VPS13C: variants seen among roughly 807,000 people sequenced by gnomAD.
The protein encoded by VPS13C is intermembrane lipid transfer protein VPS13C.
VPS13C carries 358 observed loss-of-function variants against 456.8 expected under a neutral mutation model. That is an observed-to-expected ratio of 0.78 (90% CI 0.72 to 0.86). The LOEUF is 0.86. Among genes scored for constraint, VPS13C ranks in the 40% least tolerant of loss-of-function variants. VPS13C has a pLI of 0.00. For synonymous variants in VPS13C, 1,578 were observed against 1,486.7 expected, an observed-to-expected ratio of 1.06 and a Z score of -1.41; for missense variants, 4,818 against 4,385.4, an observed-to-expected ratio of 1.10 and a Z score of -2.79.
At chr15:61,861,753 C>A (rs552538670) in intron 82 of VPS13C, among the ~76,000 whole-genome samples, 213 of 152,210 alleles carry the variant, frequency 1.4e-3, no homozygotes, top group African/African-American at 4.9e-3. Flanking sequence ...CATTAAAGGT[C>A]TAAATGATTA....
At chr15:61,919,583 C>G in intron 57 of VPS13C, 134 bp from the exon 58 acceptor site, 27 of 957,410 alleles carry the variant, frequency 2.8e-5, no homozygotes, top group Non-Finnish European at 3.6e-5. Flanking sequence ...AATTGCTTTT[C>G]TAAGACATAA....
At chr15:61,932,098 A>T (rs1476036428) in intron 49 of VPS13C, among the ~76,000 whole-genome samples, 3 of 152,224 alleles carry the variant, frequency 2.0e-5, no homozygotes, top group Non-Finnish European at 4.4e-5. Context: ...TTATTCATTC[A>T]TATTTATATC....
chr15:61,903,590 C>CT (rs2043068293), intron 66 of VPS13C, among the ~76,000 whole-genome samples: 2 of 152,104 alleles, frequency 1.3e-5, no homozygotes, highest in Non-Finnish European at 2.9e-5. Flanking sequence ...CCAAAGCGAT[C>CT]TACAAGACCA....
Position 61,940,883 on chromosome 15 carries a change from T to C in VPS13C, c.5454-89A>G, listed in dbSNP as rs550996597. 6.8e-6 allele frequency: 9 copies of C among 1,319,272 alleles called. No individual in the cohort carries two copies. The African/African-American group carries it at 1.3e-4, about 19-fold the overall frequency. The allele number at this position is 1,319,272 out of a possible 1,614,324, so 81.7% of individuals were successfully genotyped here. On this transcript the variant is annotated intron_variant, in intron 46 of 84. Transcript: ENST00000644861. ...ATTGTGTAACAGTTTCCACACAGCA[T>C]TTCATAAAGGCTAAAAGCTGCTAAC... is the stretch of plus-strand genomic sequence containing the variant.
chr15:61,906,940 A>G, intron 66 of VPS13C: 1 of 257,782 alleles, frequency 3.9e-6, no homozygotes, highest in South Asian at 4.9e-5. Flanking sequence ...AAAGTGGCAT[A>G]GGTATGTTCA....
At chr15:61,913,516 G>A (rs1006687239) in intron 61 of VPS13C, 101 bp from the exon 62 acceptor site, 9 of 932,584 alleles carry the variant, frequency 9.7e-6, no homozygotes, top group African/African-American at 3.4e-5. Flanking sequence ...CTTTAGTACC[G>A]TGGGACACAG....
At chr15:62,031,570 C>G (rs2047821591) in intron 5 of VPS13C, among the ~76,000 whole-genome samples, 1 of 151,896 alleles carries the variant, frequency 6.6e-6, no homozygotes, top group Non-Finnish European at 1.5e-5. Context: ...TTCCTGAATT[C>G]ATCTTTTAGT....
At chr15:61,907,488 G>A (rs1186741801) in intron 65 of VPS13C, 98 bp from the exon 66 acceptor site, 22 of 1,432,986 alleles carry the variant, frequency 1.5e-5, no homozygotes, top group Middle Eastern at 3.7e-4. Context: ...GAAGTCCTAC[G>A]AAATTGCTGT....
chr15:61,981,040 C>T (rs2045869184), intron 22 of VPS13C, among the ~76,000 whole-genome samples: 1 of 152,102 alleles, frequency 6.6e-6, no homozygotes, highest in African/African-American at 2.4e-5. Context: ...CAACAAATAA[C>T]ACTGTATAAT....
Position 61,972,555 on chromosome 15 carries a change from C to A in VPS13C, c.2757+70G>T, listed in dbSNP as rs3743295. On this transcript the variant is annotated intron_variant, in intron 27 of 84. Coordinates refer to ENST00000644861, the MANE Select transcript of VPS13C (RefSeq NM_020821.3). ...TTTTTAATATACTTGACATTTGGGT[C>A]TAGCTTGAGGATAGCTTACAAGATA... 1,485 of 1,539,428 alleles carry A rather than the reference C, an allele frequency of 9.6e-4. 26 individuals are homozygous for A. The East Asian group carries it at 0.028, about 29-fold the overall frequency.
chr15:61,954,079 T>C (rs1596377339), intron 38 of VPS13C, among the ~76,000 whole-genome samples: 1 of 152,298 alleles, frequency 6.6e-6, no homozygotes, highest in South Asian at 2.1e-4. Flanking sequence ...TGCAGGCATA[T>C]TGTGTTTTAT....
Position 61,871,982 on chromosome 15 carries a change from A to C in VPS13C, c.10624+7T>G. The C allele has an allele frequency of 6.2e-7, 1 of 1,610,936 alleles. No homozygotes were observed. Among genetic ancestry groups the C allele is most frequent in the East Asian group, 2.2e-5 (1 of 44,724 alleles). ...CTTTGTAAAGGAAGGAAATATTTTC[A>C]ACATACCTTCCACAGGTTTTGTTAT... On this transcript the variant is annotated splice_region_variant and intron_variant, in intron 79 of 84. Coordinates refer to ENST00000644861, the MANE Select transcript of VPS13C (RefSeq NM_020821.3).
intron 1 of VPS13C, among the ~76,000 whole-genome samples, chr15:62,048,781 T>G (rs2048517429): frequency 6.6e-6 from 1 of 152,160 alleles, no homozygotes; most frequent in Non-Finnish European, 1.5e-5. Flanking sequence ...TCCTGACTTT[T>G]TAATGATCGC....
intron 29 of VPS13C, among the ~76,000 whole-genome samples, chr15:61,966,830 TTCTGTA>T (rs2045390958): frequency 6.6e-6 from 1 of 151,976 alleles, no homozygotes; most frequent in Non-Finnish European, 1.5e-5. Flanking sequence ...TGTTTTTCAT[TTCTGTA>T]TCCCAAGCGC....
intron 42 of VPS13C, 115 bp from the exon 43 acceptor site, chr15:61,947,424 C>T (rs1453516875): frequency 6.0e-6 from 4 of 668,190 alleles, no homozygotes; most frequent in Non-Finnish European, 1.0e-5. Context: ...AACCAAAATG[C>T]CCTCCATTAA....
rs564085767 is a variant in VPS13C, at chr15:61,941,724, T to C, written c.5453+39A>G. 7.2e-6 allele frequency: 11 copies of C among 1,524,278 alleles called. No individual in the cohort carries two copies. The Admixed American group carries it at 2.3e-4, about 32-fold the overall frequency. The allele number at this position is 1,524,278 out of a possible 1,614,324, so 94.4% of individuals were successfully genotyped here. A position where few individuals can be genotyped will look rare whatever the true frequency, so the allele number is the denominator to read the frequency against. ...GGTAAAAATTGTATGAAAATCCTAT[T>C]TCTAGTAAGCAATACACAATTAGAT... On this transcript the variant is annotated intron_variant, in intron 46 of 84. Coordinates refer to ENST00000644861, the MANE Select transcript of VPS13C (RefSeq NM_020821.3).
intron 67 of VPS13C, among the ~76,000 whole-genome samples, chr15:61,889,389 T>C (rs943510744): frequency 1.3e-5 from 2 of 152,104 alleles, no homozygotes; most frequent in African/African-American, 4.8e-5. Flanking sequence ...TCAGGTGTTG[T>C]GCAAAGTTCA....
chr15:62,044,055 T>C (rs2048326372), intron 2 of VPS13C, among the ~76,000 whole-genome samples, 157 bp downstream of exon 2: 1 of 152,192 alleles, frequency 6.6e-6, no homozygotes, highest in Non-Finnish European at 1.5e-5. Context: ...TCTAAATCTT[T>C]AATCTCAGAT....
chr15:62,023,923 G>T, intron 6 of VPS13C, 78 bp from the exon 7 acceptor site: 1 of 1,363,348 alleles, frequency 7.3e-7, no homozygotes, highest in Non-Finnish European at 1.0e-6. Flanking sequence ...GAAAACAAGA[G>T]AATTTTTCCT....
Sources: gnomAD v4.1 joint callset for allele counts (sites outside exome capture counted in the v4.1 genomes callset) on GRCh38, gnomAD v4.1.1 for gene constraint, MANE v1.5 for transcripts, NCBI Gene and HGNC (gene_info 2026-07-23, HGNC 2026-07-21) for gene names.